The following CSMD1 variants were observed in gnomAD, a reference collection of about 807,000 sequenced individuals.
CSMD1 encodes CUB and sushi domain-containing protein 1.
CSMD1 carries 213 observed loss-of-function variants against 417.5 expected under a neutral mutation model. The ratio of observed to expected loss-of-function variants is 0.51; its 90% CI spans 0.46 to 0.57. The LOEUF (loss-of-function observed/expected upper bound fraction) is 0.57. Among genes scored for constraint, CSMD1 ranks in the 20% least tolerant of loss-of-function variants. CSMD1 has a pLI of 0.00. For missense variants in CSMD1, 6,923 were observed against 4,529.7 expected (o/e 1.53, Z -15.17); for synonymous variants, 2,862 against 1,736.8 (o/e 1.65, Z -16.11).
At chr8:3,839,620 C>T (rs1326340412) in intron 5 of CSMD1, among the ~76,000 whole-genome samples, 13 of 139,744 alleles carry the variant, frequency 9.3e-5, no homozygotes, top group South Asian at 6.6e-4. Flanking sequence ...CCACTGCACT[C>T]CAGCCTGGGC....
chr8:3,282,890 G>T (rs34486549), intron 26 of CSMD1, among the ~76,000 whole-genome samples: 109,588 of 151,932 alleles, frequency 0.72, 40,507 homozygotes, highest in Admixed American at 0.82. Flanking sequence ...AATTGAGTCT[G>T]AATGTGTTTG....
chr8:3,380,283 T>C (rs1037669345), intron 18 of CSMD1, among the ~76,000 whole-genome samples: 2 of 152,160 alleles, frequency 1.3e-5, no homozygotes, highest in African/African-American at 4.8e-5. Flanking sequence ...ACTTTTACAC[T>C]GTTGGTGGGA....
chr8:4,026,594 A>C (rs191879642), intron 4 of CSMD1, among the ~76,000 whole-genome samples: 3 of 152,380 alleles, frequency 2.0e-5, no homozygotes, highest in African/African-American at 7.2e-5. Flanking sequence ...AACTAAGGAC[A>C]CTGCCACTCA....
chr8:4,980,142 A>T (rs955222123), intron 1 of CSMD1, among the ~76,000 whole-genome samples: 2 of 152,190 alleles, frequency 1.3e-5, no homozygotes, highest in Non-Finnish European at 2.9e-5. Context: ...AAGCAATAAA[A>T]CCCTGTAACA....
chr8:3,728,911 A>C (rs1421962893), intron 6 of CSMD1, among the ~76,000 whole-genome samples: 1 of 152,198 alleles, frequency 6.6e-6, no homozygotes, highest in Non-Finnish European at 1.5e-5. Context: ...TCTATCACCG[A>C]CTGCATTTTA....
At chr8:3,911,881 C>T (rs1284060216) in intron 5 of CSMD1, among the ~76,000 whole-genome samples, 2 of 152,198 alleles carry the variant, frequency 1.3e-5, no homozygotes, top group African/African-American at 4.8e-5. Flanking sequence ...CATCTTCTTA[C>T]CTCCGTTATC....
At position 2,937,132 on chromosome 8, in the gene CSMD1, G is replaced by A. The variant is rs1417127854; in HGVS notation, c.*1453C>T. On this transcript the variant is annotated 3_prime_UTR_variant, in exon 70 of 70. Transcript: ENST00000635120. ...GGCCACATCTTCTACTTCATGTTTT[G>A]ATTTTTATTTGCCCTGGGGATCTTA... 6.6e-6 allele frequency: 1 copy of A among 151,950 alleles called. No homozygotes were observed. The highest frequency in any genetic ancestry group is 1.5e-5 in the Non-Finnish European group (1 of 67,982). 9.4% of individuals were successfully genotyped at this position (151,950 alleles called of 1,614,324 possible).
At chr8:3,444,796 C>G (rs558081919) in intron 12 of CSMD1, among the ~76,000 whole-genome samples, 17 of 152,234 alleles carry the variant, frequency 1.1e-4, no homozygotes, top group African/African-American at 4.1e-4. Flanking sequence ...CACCAGACAA[C>G]CAAATAATAT....
intron 36 of CSMD1, among the ~76,000 whole-genome samples, chr8:3,182,767 G>GTGTT (rs1484280746): frequency 7.2e-6 from 1 of 139,056 alleles, no homozygotes; most frequent in South Asian, 2.3e-4. Flanking sequence ...GTGTGTGTGT[G>GTGTT]TATTGTTAGA....
chr8:4,012,900 G>A (rs184002341), intron 4 of CSMD1, among the ~76,000 whole-genome samples: 1 of 152,116 alleles, frequency 6.6e-6, no homozygotes, highest in Admixed American at 6.6e-5. Flanking sequence ...ACTGTGTAGG[G>A]AAATTCCATC....
intron 25 of CSMD1, among the ~76,000 whole-genome samples, chr8:3,285,710 A>G (rs991752208): frequency 5.3e-5 from 8 of 152,132 alleles, no homozygotes; most frequent in African/African-American, 1.9e-4. Context: ...AGAACTTTTT[A>G]TAAAACAAAA....
intron 23 of CSMD1, among the ~76,000 whole-genome samples, chr8:3,331,695 A>C (rs1383820600): frequency 1.3e-5 from 2 of 152,212 alleles, no homozygotes; most frequent in Admixed American, 1.3e-4. Context: ...GCCCCCAAAG[A>C]CACAGCTGGC....
chr8:4,365,422 G>A (rs1475397787), intron 3 of CSMD1, among the ~76,000 whole-genome samples: 1 of 152,054 alleles, frequency 6.6e-6, no homozygotes, highest in Non-Finnish European at 1.5e-5. Context: ...CCTAACCTCT[G>A]GGGAAAAATA....
chr8:3,957,328 C>G (rs1311797553), intron 5 of CSMD1, among the ~76,000 whole-genome samples: 2 of 152,068 alleles, frequency 1.3e-5, no homozygotes, highest in Non-Finnish European at 2.9e-5. Flanking sequence ...TTTCATTCAA[C>G]AAATATTTAT....
chr8:3,787,190 G>A (rs1419411420), intron 5 of CSMD1, among the ~76,000 whole-genome samples: 3 of 152,070 alleles, frequency 2.0e-5, no homozygotes, highest in Non-Finnish European at 4.4e-5. Flanking sequence ...AGGAAAAAAT[G>A]TCCAGAATTT....
At chr8:3,738,909 C>A (rs1430762886) in intron 6 of CSMD1, among the ~76,000 whole-genome samples, 1 of 152,148 alleles carries the variant, frequency 6.6e-6, no homozygotes, top group African/African-American at 2.4e-5. Context: ...TGTAAGGCCT[C>A]CATGGTCTTC....
chr8:3,931,690 A>G lies in CSMD1; in HGVS notation c.818+66213T>C, dbSNP rs150708536. ...AAAAAACAAACAAACAAACAACAAA[A>G]GGACTATAGTTTAGAAGAAGGACAG... On this transcript the variant is annotated intron_variant, in intron 5 of 69. Coordinates refer to ENST00000635120, the MANE Select transcript of CSMD1 (RefSeq NM_033225.6). Among the ~76,000 whole-genome samples the G allele has an allele frequency of 6.0e-3, 902 of 149,482 alleles. 45 individuals are homozygous for G. The highest frequency in any genetic ancestry group is 0.017 in the Middle Eastern group (5 of 292).
At chr8:4,990,092 T>C (rs918624202) in intron 1 of CSMD1, among the ~76,000 whole-genome samples, 4 of 152,126 alleles carry the variant, frequency 2.6e-5, no homozygotes, top group Non-Finnish European at 5.9e-5. Context: ...CATGGGGGAA[T>C]TCTACCACCC....
At position 3,392,628 on chromosome 8, in the gene CSMD1, G is replaced by A. The variant is rs1240488629; in HGVS notation, c.2593+3566C>T. Among the ~76,000 whole-genome samples, 4 of 151,926 alleles carry A rather than the reference G, an allele frequency of 2.6e-5. No homozygotes were observed. In the South Asian group the frequency reaches 6.2e-4, roughly 24 times the overall value. On this transcript the variant is annotated intron_variant, in intron 17 of 69. Coordinates refer to ENST00000635120, the MANE Select transcript of CSMD1 (RefSeq NM_033225.6). ...TCTGCGTCTGCCTTCACCTTATTCA[G>A]AATCACCTCGAGGACTTGATTAAAA...
Sources: gnomAD v4.1 joint callset for allele counts (sites outside exome capture counted in the v4.1 genomes callset) on GRCh38, gnomAD v4.1.1 for gene constraint, MANE v1.5 for transcripts, NCBI Gene and HGNC (gene_info 2026-07-23, HGNC 2026-07-21) for gene names.